The following IMMP1L variants were observed in gnomAD, a reference collection of about 807,000 sequenced individuals.
IMMP1L encodes mitochondrial inner membrane protease subunit 1.
Under a neutral mutation model 21.8 loss-of-function variants are expected in IMMP1L, and 24 were observed. The observed-to-expected ratio is 1.10, with a 90% CI of 0.80 to 1.55. The LOEUF (loss-of-function observed/expected upper bound fraction) is 1.55, where lower values mean the gene tolerates loss of function less well. IMMP1L is among the 40% of genes most tolerant of loss of function. IMMP1L has a pLI of 0.00. For missense variants in IMMP1L, 195 were observed against 200.7 expected, an observed-to-expected ratio of 0.97 and a Z score of 0.17; for synonymous variants, 46 against 62.8, an observed-to-expected ratio of 0.73 and a Z score of 1.26.
In IMMP1L at chr11:31,437,564, AGAGT is replaced by A. The variant is rs562863784; in HGVS notation, c.322-3998_322-3995del. Among the ~76,000 whole-genome samples, 1,079 of 152,322 alleles carry A rather than the reference AGAGT, an allele frequency of 7.1e-3. 16 individuals are homozygous for A. The highest frequency in any genetic ancestry group is 0.025 in the African/African-American group (1,021 of 41,580). On this transcript the variant is annotated intron_variant, in intron 4 of 5. Coordinates refer to ENST00000532287, the MANE Select transcript of IMMP1L (RefSeq NM_001304274.2). Reference sequence around the variant, plus strand: ...ATAATTATTTTTGGTATGGGGGAAAAGAGTGAGAACTTTATTTCACTTTAAAAAT... The same window carrying A: ...ATAATTATTTTTGGTATGGGGGAAAAGAGAACTTTATTTCACTTTAAAAAT...
intron 1 of IMMP1L, among the ~76,000 whole-genome samples, chr11:31,466,801 C>T (rs1954372006): frequency 1.3e-5 from 2 of 151,932 alleles, no homozygotes; most frequent in Admixed American, 1.3e-4. Flanking sequence ...TTAATGGACA[C>T]AAAATTACAG....
At chr11:31,464,089 C>T (rs925324986) in intron 1 of IMMP1L, among the ~76,000 whole-genome samples, 8 of 152,070 alleles carry the variant, frequency 5.3e-5, no homozygotes, top group African/African-American at 7.2e-5. Flanking sequence ...TAGGCCTAGG[C>T]TACAATATAC....
At chr11:31,493,760 C>T (rs1955333147) in intron 1 of IMMP1L, among the ~76,000 whole-genome samples, 1 of 152,170 alleles carries the variant, frequency 6.6e-6, no homozygotes, top group African/African-American at 2.4e-5. Flanking sequence ...ACACCCATTC[C>T]AAATGGTAGA....
chr11:31,502,730 C>T (rs1309531050), intron 1 of IMMP1L, among the ~76,000 whole-genome samples: 1 of 152,176 alleles, frequency 6.6e-6, no homozygotes, highest in Non-Finnish European at 1.5e-5. Flanking sequence ...AAAGGAACAC[C>T]AGTCAGCCGT....
chr11:31,462,458 A>G (rs547920599), intron 2 of IMMP1L, among the ~76,000 whole-genome samples: 1 of 152,272 alleles, frequency 6.6e-6, no homozygotes, highest in South Asian at 2.1e-4. Flanking sequence ...AATAAAAAAA[A>G]TTGACTGGCT....
At chr11:31,448,905 CAGAATTGTGTTAGCTATAGAA>C in intron 4 of IMMP1L, 1 of 981,002 alleles carries the variant, frequency 1.0e-6, no homozygotes, top group Non-Finnish European at 1.2e-6. Context: ...AATTTATCTT[CAGAATTGTGTTAGCTATAGAA>C]TGAAAAAGTC....
chr11:31,464,748 G>T (rs139371434), intron 1 of IMMP1L, among the ~76,000 whole-genome samples: 1 of 151,992 alleles, frequency 6.6e-6, no homozygotes, highest in Non-Finnish European at 1.5e-5. Context: ...ATCACTTCAC[G>T]ATACAAACTC....
At chr11:31,434,476 G>A (rs1375163513) in intron 4 of IMMP1L, among the ~76,000 whole-genome samples, 1 of 151,894 alleles carries the variant, frequency 6.6e-6, no homozygotes, top group Non-Finnish European at 1.5e-5. Context: ...TTGAATTATT[G>A]ACCAGACCAA....
intron 1 of IMMP1L, among the ~76,000 whole-genome samples, chr11:31,470,687 C>T (rs1954518502): frequency 6.6e-6 from 1 of 152,124 alleles, no homozygotes; most frequent in South Asian, 2.1e-4. Context: ...ATGTTTATTG[C>T]AGCACTATTC....
intron 1 of IMMP1L, among the ~76,000 whole-genome samples, chr11:31,493,820 A>G (rs1193741937): frequency 6.6e-6 from 1 of 152,222 alleles, no homozygotes; most frequent in African/African-American, 2.4e-5. Context: ...CCAAAATCCA[A>G]TAGAGAAGTC....
At chr11:31,502,180 A>G (rs941616550) in intron 1 of IMMP1L, among the ~76,000 whole-genome samples, 1 of 152,218 alleles carries the variant, frequency 6.6e-6, no homozygotes, top group East Asian at 1.9e-4. Context: ...TTATAATTCA[A>G]GGTTGAGAAT....
rs1953995223 is a variant in IMMP1L at position 31,457,711 on chromosome 11, C to T, written c.195-1325G>A. ...CTTGGGAGGTAAGACAAAATTTTCC[C>T]TAACAACTAAATCAAAGAGAAATTC... is the stretch of plus-strand genomic sequence containing the variant. On this transcript the variant is annotated intron_variant, in intron 3 of 5. Transcript: ENST00000532287. Among the ~76,000 whole-genome samples, 6 of 152,062 alleles carry T rather than the reference C, an allele frequency of 3.9e-5. No homozygotes were observed. In the South Asian group the frequency reaches 1.2e-3, roughly 32 times the overall value.
chr11:31,435,806 C>A (rs1454101174), intron 4 of IMMP1L, among the ~76,000 whole-genome samples: 1 of 152,034 alleles, frequency 6.6e-6, no homozygotes, highest in Non-Finnish European at 1.5e-5. Context: ...TGTTATGAGC[C>A]TTTGCTTTCA....
In IMMP1L at chr11:31,433,444, A is replaced by T; in HGVS notation, c.432+16T>A. 2.1e-6 allele frequency: 3 copies of T among 1,397,902 alleles called. No homozygotes were observed. The highest frequency in any genetic ancestry group is 3.0e-6 in the Non-Finnish European group (3 of 1,007,858). 86.6% of individuals were successfully genotyped at this position (1,397,902 alleles called of 1,614,324 possible). On this transcript the variant is annotated intron_variant, in intron 5 of 5. Transcript: ENST00000532287. ...GCTCAGAAAATAAACCTTACATTTT[A>T]AGCAGAAAATGGTACCTTAAAGAAG...
At chr11:31,505,387 C>G (rs1266622972) in intron 1 of IMMP1L, among the ~76,000 whole-genome samples, 1 of 152,184 alleles carries the variant, frequency 6.6e-6, no homozygotes, top group East Asian at 1.9e-4. Context: ...CAGAAGATGA[C>G]TTGATGGAGA....
intron 1 of IMMP1L, among the ~76,000 whole-genome samples, chr11:31,475,919 C>A (rs1210680456): frequency 6.6e-6 from 1 of 151,988 alleles, no homozygotes; most frequent in Non-Finnish European, 1.5e-5. Context: ...TCAGTAAATA[C>A]CTGAATAAAA....
chr11:31,462,313 C>A, intron 2 of IMMP1L, among the ~76,000 whole-genome samples: 1 of 120,848 alleles, frequency 8.3e-6, no homozygotes, highest in African/African-American at 4.1e-5. Flanking sequence ...AAGACCCTGT[C>A]TCCAAAAAAA....
At chr11:31,504,029 G>A (rs1167856556) in intron 1 of IMMP1L, among the ~76,000 whole-genome samples, 1 of 152,026 alleles carries the variant, frequency 6.6e-6, no homozygotes, top group East Asian at 1.9e-4. Flanking sequence ...ACCAATACAG[G>A]AAAAATAAAC....
intron 1 of IMMP1L, among the ~76,000 whole-genome samples, chr11:31,503,816 A>C (rs951153391): frequency 6.6e-6 from 1 of 152,258 alleles, no homozygotes; most frequent in Non-Finnish European, 1.5e-5. Context: ...ATTTAACTTG[A>C]GGTCCCCACA....
Sources: gnomAD v4.1 joint callset for allele counts (sites outside exome capture counted in the v4.1 genomes callset) on GRCh38, gnomAD v4.1.1 for gene constraint, MANE v1.5 for transcripts, NCBI Gene and HGNC (gene_info 2026-07-23, HGNC 2026-07-21) for gene names.